Variants in SYNJ2 observed in about 807,000 individuals in gnomAD.
The protein encoded by SYNJ2 is synaptojanin 2, also known as polyphosphatidylinositol phosphatase SYNJ2.
Under a neutral mutation model 141.3 loss-of-function variants are expected in SYNJ2, and 116 were observed. The observed-to-expected ratio is 0.82, with a 90% CI of 0.71 to 0.96. The LOEUF is 0.96. Ranked by LOEUF, SYNJ2 falls within the 40% of genes least tolerant of loss-of-function variation. The probability of loss-of-function intolerance (pLI) is 0.00; values close to 1 mark genes in which losing one functional copy is unlikely to be tolerated. For synonymous variants in SYNJ2, 745 were observed against 777.7 expected, an observed-to-expected ratio of 0.96 and a Z score of 0.70; for missense variants, 1,873 against 1,934.8, an observed-to-expected ratio of 0.97 and a Z score of 0.60.
At chr6:158,044,133 C>G (rs924592681) in intron 5 of SYNJ2, among the ~76,000 whole-genome samples, 5 of 152,228 alleles carry the variant, frequency 3.3e-5, no homozygotes, top group Admixed American at 6.5e-5. Flanking sequence ...GCCTCTCGGC[C>G]AGGGCCTTTG....
chr6:158,051,905 G>T (rs1273435704), intron 5 of SYNJ2, among the ~76,000 whole-genome samples: 1 of 151,698 alleles, frequency 6.6e-6, no homozygotes, highest in Admixed American at 6.6e-5. Context: ...GCAGTGAGCC[G>T]TGATTGCACC....
At chr6:158,008,631 G>A (rs566332993) in intron 1 of SYNJ2, among the ~76,000 whole-genome samples, 1 of 152,320 alleles carries the variant, frequency 6.6e-6, no homozygotes, top group East Asian at 1.9e-4. Flanking sequence ...GAAGGTACAA[G>A]GGTTTATTAT....
rs34948131 is a variant in SYNJ2 at position 157,989,427 on chromosome 6, AATATATATATATATATAT to A, written c.127+7362_127+7379del. Among the ~76,000 whole-genome samples the A allele has an allele frequency of 2.1e-3, 206 of 96,296 alleles. 4 individuals are homozygous for A. The highest frequency in any genetic ancestry group is 5.1e-3 in the Admixed American group (43 of 8,426). 63.2% of individuals were successfully genotyped at this position (96,296 alleles called of 152,430 possible). ...AATCTCATTCTTATGTAAAAAAATG[AATATATATATATATATAT>A]ATATATATATATATATATATATGGA... On this transcript the variant is annotated intron_variant, in intron 1 of 26. Transcript: ENST00000355585.
At chr6:158,030,606 T>A (rs1779309921) in intron 3 of SYNJ2, 1 of 152,396 alleles carries the variant, frequency 6.6e-6, no homozygotes, top group Non-Finnish European at 1.5e-5. Flanking sequence ...TGCACGTGAA[T>A]CAAGGCTGGG....
chr6:158,081,600 T>C, intron 20 of SYNJ2, 90 bp downstream of exon 20: 1 of 345,612 alleles, frequency 2.9e-6, no homozygotes, highest in Non-Finnish European at 5.3e-6. Flanking sequence ...TGCCCTGACC[T>C]GTGCCTTTTT....
Position 157,981,874 on chromosome 6 carries a change from A to C in SYNJ2, c.-88A>C, listed in dbSNP as rs994211960. 11 of 1,140,218 alleles carry C rather than the reference A, an allele frequency of 9.6e-6. No homozygotes were observed. Among genetic ancestry groups the C allele is most frequent in the Non-Finnish European group, 9.9e-6 (9 of 908,128 alleles). The allele number at this position is 1,140,218 out of a possible 1,614,324, so 70.6% of individuals were successfully genotyped here. Reference sequence around the variant, plus strand: ...CGGCGGCGCAAAGTGAAACTCTGGCAAGTTGCGGGCGCGCGGGGAGCTGTC... The same window carrying C: ...CGGCGGCGCAAAGTGAAACTCTGGCCAGTTGCGGGCGCGCGGGGAGCTGTC... On this transcript the variant is annotated 5_prime_UTR_variant, in exon 1 of 27. Coordinates refer to ENST00000355585, the MANE Select transcript of SYNJ2 (RefSeq NM_003898.4). This position sits in a 1 kb window ranked among gnomAD's most constrained non-coding sequence, Gnocchi z 6.4.
At chr6:158,088,344 A>G (rs1744167) in intron 23 of SYNJ2, among the ~76,000 whole-genome samples, 131,297 of 152,038 alleles carry the variant, frequency 0.86, 57,531 homozygotes, top group African/African-American at 0.96. Context: ...TAGCAATAGT[A>G]TTTGGAACCA....
chr6:158,069,979 A>G (rs1781815904), intron 14 of SYNJ2: 1 of 409,190 alleles, frequency 2.4e-6, no homozygotes, highest in Non-Finnish European at 3.5e-6. Context: ...TTGGAATCTT[A>G]TAGACAGGAA....
chr6:158,000,915 A>C (rs1318099245), intron 1 of SYNJ2, among the ~76,000 whole-genome samples: 2 of 151,960 alleles, frequency 1.3e-5, no homozygotes, highest in Non-Finnish European at 2.9e-5. Context: ...ACCATCTGGA[A>C]TCCATCTTCC....
Position 158,074,689 on chromosome 6 carries a change from A to C in SYNJ2, c.2243A>C (p.Lys748Thr), listed in dbSNP as rs571120662. The change falls in exon 16 of 27, where the codon AAG (lysine) becomes ACG (threonine). Residue 748 changes from lysine (K) to threonine (T), a missense_variant. Coordinates refer to ENST00000355585, the MANE Select transcript of SYNJ2 (RefSeq NM_003898.4). ...TATTTTGTTAAACGCCAAGACTGGAAGAAACTTCTGGAATTTGATCAACTA... is the reference window on the plus strand; with the variant it reads ...TATTTTGTTAAACGCCAAGACTGGACGAAACTTCTGGAATTTGATCAACTA... ...VFYFVKRQDWKKLLEFDQLQL... is the reference protein window; with the variant it reads ...VFYFVKRQDWTKLLEFDQLQL... The C allele has an allele frequency of 2.1e-5, 34 of 1,614,076 alleles. 1 individual carries two copies. The highest frequency in any genetic ancestry group is 2.1e-4 in the South Asian group (19 of 91,006).
intron 1 of SYNJ2, among the ~76,000 whole-genome samples, chr6:158,012,256 C>T (rs1469016369): frequency 6.6e-6 from 1 of 152,226 alleles, no homozygotes; most frequent in Non-Finnish European, 1.5e-5. Flanking sequence ...CCCACATCCT[C>T]CTTCCCAGGC....
At chr6:158,037,934 C>T (rs1423697310) in intron 4 of SYNJ2, among the ~76,000 whole-genome samples, 1 of 152,254 alleles carries the variant, frequency 6.6e-6, no homozygotes, top group Admixed American at 6.5e-5. Flanking sequence ...CAAGCCCTAC[C>T]ACAGACCAGG....
At position 158,067,080 on chromosome 6, in the gene SYNJ2, G is replaced by A. The variant is rs143368442; in HGVS notation, c.1717+445G>A. 2.6e-5 allele frequency among the ~76,000 whole-genome samples: 4 copies of A among 152,150 alleles called. No homozygotes were observed. The East Asian group carries it at 7.7e-4, about 29-fold the overall frequency. ...GTCACCCAGGCTAGAGTGTAGTGACGCAATCTCGGCTCACTGCAACCTCCA... is the reference window on the plus strand; with the variant it reads ...GTCACCCAGGCTAGAGTGTAGTGACACAATCTCGGCTCACTGCAACCTCCA... On this transcript the variant is annotated intron_variant, in intron 12 of 26. Coordinates refer to ENST00000355585, the MANE Select transcript of SYNJ2 (RefSeq NM_003898.4).
chr6:157,996,453 C>A (rs772518526), intron 1 of SYNJ2, among the ~76,000 whole-genome samples: 14 of 152,168 alleles, frequency 9.2e-5, no homozygotes, highest in Non-Finnish European at 2.1e-4. Context: ...TGATCCTCTG[C>A]CCCTGCCTCT....
upstream of SYNJ2, among the ~76,000 whole-genome samples, chr6:157,981,598 G>A (rs1297936171): frequency 6.6e-6 from 1 of 152,022 alleles, no homozygotes; most frequent in Non-Finnish European, 1.5e-5. This position sits in a 1 kb window ranked among gnomAD's most constrained non-coding sequence, Gnocchi z 6.4. Context: ...AGGCTCCCGG[G>A]GTCGCCCCGC....
At chr6:158,006,441 G>T (rs533351909) in intron 1 of SYNJ2, among the ~76,000 whole-genome samples, 1 of 152,278 alleles carries the variant, frequency 6.6e-6, no homozygotes, top group South Asian at 2.1e-4. Context: ...AGCAGCCTCT[G>T]ACCTGCTGAC....
intron 25 of SYNJ2, among the ~76,000 whole-genome samples, chr6:158,090,530 G>GT (rs760329460): frequency 0.028 from 3,200 of 114,444 alleles, 42 homozygotes; most frequent in Middle Eastern, 0.039. Context: ...CCTTTTCTTC[G>GT]TTTTTTTTTT....
At position 158,083,488 on chromosome 6, in the gene SYNJ2, AGAG is replaced by A; in HGVS notation, c.2929_2931del (p.Glu977del). 3.1e-6 allele frequency: 5 copies of A among 1,614,166 alleles called. No individual in the cohort carries two copies. Among genetic ancestry groups the A allele is most frequent in the East Asian group, 2.2e-5 (1 of 44,874 alleles). ...CCAAGGACTGGCTGAAAGGTTTGCG[AGAG>A]GAGATCATTCGGAAACGAGACAGCA... On this transcript the variant is annotated inframe_deletion, in exon 21 of 27. Transcript: ENST00000355585.
intron 20 of SYNJ2, among the ~76,000 whole-genome samples, chr6:158,082,445 C>T (rs371791649): frequency 6.8e-6 from 1 of 147,580 alleles, no homozygotes; most frequent in Non-Finnish European, 1.5e-5. Flanking sequence ...CGAGATCGCA[C>T]CATTGCACTC....
Sources: allele counts gnomAD v4.1 joint callset (sites outside exome capture counted in the v4.1 genomes callset), GRCh38; gene constraint gnomAD v4.1.1; non-coding constraint Gnocchi (gnomAD v3.1); transcripts MANE v1.5; gene names NCBI Gene and HGNC (gene_info 2026-07-23, HGNC 2026-07-21).